PSMB7: variants seen among roughly 807,000 people sequenced by gnomAD.
PSMB7 encodes proteasome subunit beta type-7.
PSMB7 carries 5 observed loss-of-function variants against 28.1 expected under a neutral mutation model. The ratio of observed to expected loss-of-function variants is 0.18; its 90% CI spans 0.09 to 0.37. PSMB7 has a LOEUF of 0.37. Among genes scored for constraint, PSMB7 ranks in the 10% least tolerant of loss-of-function variants. The pLI is 1.00. For missense variants in PSMB7, 275 were observed against 346.2 expected (o/e 0.79, Z 1.63); for synonymous variants, 122 against 123.7 (o/e 0.99, Z 0.09).
chr9:124,405,304 A>C lies in PSMB7; in HGVS notation c.511+13T>G. On this transcript the variant is annotated intron_variant, in intron 5 of 7. Transcript: ENST00000259457. ...AAGAGTACTCTTAAACATCAGGAAAACGTTACACTCACCCATGGTGACATA... is the reference window on the plus strand; with the variant it reads ...AAGAGTACTCTTAAACATCAGGAAACCGTTACACTCACCCATGGTGACATA... 6.4e-7 allele frequency: 1 copy of C among 1,559,090 alleles called. No individual in the cohort carries two copies. Among genetic ancestry groups the C allele is most frequent in the Non-Finnish European group, 8.8e-7 (1 of 1,131,124 alleles).
chr9:124,370,523 G>A (rs1438766821), intron 6 of PSMB7, among the ~76,000 whole-genome samples: 1 of 151,664 alleles, frequency 6.6e-6, no homozygotes. Flanking sequence ...TTCCCCCCTT[G>A]AGTTGATATA....
intron 6 of PSMB7, among the ~76,000 whole-genome samples, chr9:124,359,299 T>C (rs972788452): frequency 1.3e-5 from 2 of 152,218 alleles, no homozygotes; most frequent in African/African-American, 4.8e-5. Flanking sequence ...ATGTCTCATA[T>C]ACACATGGCT....
intron 6 of PSMB7, among the ~76,000 whole-genome samples, chr9:124,382,084 C>T (rs1480628527): frequency 2.6e-5 from 4 of 151,478 alleles, no homozygotes; most frequent in African/African-American, 9.7e-5. Flanking sequence ...CATGGTGAAA[C>T]CCAGTCTCTA....
At chr9:124,415,179 G>A in intron 1 of PSMB7, 185 bp downstream of exon 1, 1 of 675,014 alleles carries the variant, frequency 1.5e-6, no homozygotes, top group Non-Finnish European at 2.5e-6. Context: ...GAAGGTGGGA[G>A]AGCAGACCCG....
chr9:124,401,276 C>T (rs1244299026), intron 5 of PSMB7, among the ~76,000 whole-genome samples: 4 of 152,232 alleles, frequency 2.6e-5, no homozygotes, highest in African/African-American at 9.6e-5. Context: ...ACTACACAAA[C>T]ACCCACCAGC....
chr9:124,414,971 A>T (rs1330005031), intron 1 of PSMB7, 36 bp from the exon 2 acceptor site: 1 of 1,442,112 alleles, frequency 6.9e-7, no homozygotes, highest in Admixed American at 1.7e-5. Context: ...GTTGAAGGGC[A>T]GGACCACATC....
rs1830953021 is a variant in PSMB7 at position 124,405,353 on chromosome 9, G to A, written c.475C>T (p.His159Tyr). The change falls in exon 5 of 8, where the codon CAT (histidine) becomes TAT (tyrosine). Residue 159 changes from histidine to tyrosine, a missense_variant. By Grantham distance (83) the His-to-Tyr change is moderately conservative. This residue lies in a region of PSMB7 where 213 missense variants were observed against 302.4 expected (regional missense o/e 0.70). Transcript: ENST00000259457. ...TGPHLYSIYP[H>Y]GSTDKLPYVT... Reference sequence around the variant, plus strand: ...TAAGGCAACTTATCAGTTGATCCATGAGGATAGATGCTGTAGAGGTGAGGT... The same window carrying A: ...TAAGGCAACTTATCAGTTGATCCATAAGGATAGATGCTGTAGAGGTGAGGT... The A allele has an allele frequency of 1.2e-6, 2 of 1,613,694 alleles. No homozygotes were observed. The highest frequency in any genetic ancestry group is 1.3e-5 in the African/African-American group (1 of 75,022).
At chr9:124,411,307 C>T (rs776238705) in intron 4 of PSMB7, among the ~76,000 whole-genome samples, 2 of 152,170 alleles carry the variant, frequency 1.3e-5, no homozygotes, top group Non-Finnish European at 2.9e-5. Context: ...TCCCCATTTA[C>T]AATTGTTAGC....
intron 6 of PSMB7, among the ~76,000 whole-genome samples, chr9:124,365,877 C>T (rs1349733509): frequency 4.6e-5 from 7 of 152,138 alleles, no homozygotes; most frequent in African/African-American, 9.6e-5. Flanking sequence ...ATCGTGCCAC[C>T]GCACTCCAGC....
At chr9:124,391,697 G>A (rs1830789475) in intron 5 of PSMB7, among the ~76,000 whole-genome samples, 1 of 150,462 alleles carries the variant, frequency 6.6e-6, no homozygotes, top group African/African-American at 2.4e-5. Flanking sequence ...ACCTCTGAAG[G>A]TGTTTCGATC....
intron 5 of PSMB7, among the ~76,000 whole-genome samples, chr9:124,405,015 G>A (rs1279305045): frequency 6.6e-6 from 1 of 151,862 alleles, no homozygotes. Context: ...TATAATACCT[G>A]TGTATTAATT....
intron 5 of PSMB7, among the ~76,000 whole-genome samples, chr9:124,398,040 T>C (rs989922905): frequency 2.6e-5 from 4 of 151,848 alleles, no homozygotes; most frequent in East Asian, 1.9e-4. Flanking sequence ...TGGCTAATTA[T>C]AGGCACACGC....
chr9:124,400,339 T>C (rs1000336710), intron 5 of PSMB7, among the ~76,000 whole-genome samples: 5 of 152,252 alleles, frequency 3.3e-5, no homozygotes, highest in Non-Finnish European at 5.9e-5. Context: ...AGCGTCCTTG[T>C]ATTCTCTAGT....
At chr9:124,353,938 T>A (rs1406506779) in intron 7 of PSMB7, among the ~76,000 whole-genome samples, 1 of 152,008 alleles carries the variant, frequency 6.6e-6, no homozygotes, top group Non-Finnish European at 1.5e-5. Context: ...ACACGGCACC[T>A]GGCCCTTGGT....
chr9:124,381,084 G>C (rs887204333), intron 6 of PSMB7, among the ~76,000 whole-genome samples: 1 of 152,140 alleles, frequency 6.6e-6, no homozygotes, highest in South Asian at 2.1e-4. Flanking sequence ...CCTGGTGTGC[G>C]TTTTCCACTT....
Position 124,356,214 on chromosome 9 carries a change from G to T in PSMB7, c.722+550C>A, listed in dbSNP as rs531382292. Among the ~76,000 whole-genome samples the T allele has an allele frequency of 6.6e-6, 1 of 152,160 alleles. No individual in the cohort carries two copies. The stretch of plus-strand genomic sequence containing the variant: ...CCAGTTCTGCTCAGCAAATCAACTA[G>T]AACCTTCTCCCACTGCTCTGAGTCT... On this transcript the variant is annotated intron_variant, in intron 7 of 7. Coordinates refer to ENST00000259457, the MANE Select transcript of PSMB7 (RefSeq NM_002799.4). This position sits in a 1 kb window ranked among gnomAD's most constrained non-coding sequence, Gnocchi z 4.4.
At chr9:124,388,285 G>A (rs1463701871) in intron 5 of PSMB7, among the ~76,000 whole-genome samples, 1 of 152,228 alleles carries the variant, frequency 6.6e-6, no homozygotes, top group Non-Finnish European at 1.5e-5. Context: ...GCGTGGCCAG[G>A]ACTGGGCCTC....
At chr9:124,381,947 G>A (rs1444785988) in intron 6 of PSMB7, among the ~76,000 whole-genome samples, 3 of 151,870 alleles carry the variant, frequency 2.0e-5, no homozygotes, top group Non-Finnish European at 4.4e-5. Context: ...AAAGAAGAAG[G>A]TACCACCTTC....
chr9:124,380,541 A>T (rs1426262101), intron 6 of PSMB7, among the ~76,000 whole-genome samples: 1 of 152,210 alleles, frequency 6.6e-6, no homozygotes, highest in Non-Finnish European at 1.5e-5. Context: ...ATCCTGTCTT[A>T]AAAAGAGAAA....
Sources: allele counts gnomAD v4.1 joint callset (sites outside exome capture counted in the v4.1 genomes callset), GRCh38; gene constraint gnomAD v4.1.1; regional missense constraint gnomAD v4.1.1; non-coding constraint Gnocchi (gnomAD v3.1); transcripts MANE v1.5; gene names NCBI Gene and HGNC (gene_info 2026-07-23, HGNC 2026-07-21).